The following PLA2G6 variants were observed in gnomAD, a reference collection of about 807,000 sequenced individuals.
The protein encoded by PLA2G6 is phospholipase A2 group VI.
Under a neutral mutation model 83.8 loss-of-function variants are expected in PLA2G6, and 62 were observed. The observed-to-expected ratio is 0.74, with a 90% CI of 0.60 to 0.91. PLA2G6 has a LOEUF of 0.91. Among genes scored for constraint, PLA2G6 ranks in the 40% least tolerant of loss-of-function variants. The pLI is 0.00. For missense variants in PLA2G6, 944 were observed against 1,102.0 expected (o/e 0.86, Z 2.03); for synonymous variants, 417 against 449.8 (o/e 0.93, Z 0.92).
intron 1 of PLA2G6, among the ~76,000 whole-genome samples, chr22:38,180,123 C>T (rs2090787592): frequency 6.7e-6 from 1 of 149,516 alleles, no homozygotes; most frequent in Non-Finnish European, 1.5e-5. Context: ...AGCACACACA[C>T]CCAATAGATG....
chr22:38,157,473 C>T (rs1305006123), intron 2 of PLA2G6, among the ~76,000 whole-genome samples: 1 of 152,104 alleles, frequency 6.6e-6, no homozygotes, highest in African/African-American at 2.4e-5. Flanking sequence ...GAAAAGTCTC[C>T]CAGCAAAGAA....
intron 10 of PLA2G6, chr22:38,125,835 C>T (rs936616286): frequency 4.9e-6 from 2 of 404,292 alleles, no homozygotes; most frequent in Admixed American, 2.8e-5. Context: ...GGTACCTTGC[C>T]GTGCCAGCTG....
chr22:38,133,062 C>A, intron 6 of PLA2G6, 49 bp from the exon 7 acceptor site: 1 of 1,512,550 alleles, frequency 6.6e-7, no homozygotes, highest in Non-Finnish European at 8.9e-7. Flanking sequence ...GGGGAGCTGC[C>A]GCACCCCGGG....
intron 9 of PLA2G6, chr22:38,126,930 G>A (rs934921759): frequency 5.5e-6 from 5 of 903,354 alleles, no homozygotes; most frequent in East Asian, 7.2e-5. Flanking sequence ...GACGTTCCTC[G>A]GGGTTTAAGT....
chr22:38,139,082 T>G (rs1275528764), intron 5 of PLA2G6: 1 of 152,218 alleles, frequency 6.6e-6, no homozygotes, highest in Non-Finnish European at 1.5e-5. Flanking sequence ...AACATGAGCC[T>G]GTACCTGCCT....
At chr22:38,167,227 C>CAAAA (rs132983) in intron 2 of PLA2G6, among the ~76,000 whole-genome samples, 55 of 107,586 alleles carry the variant, frequency 5.1e-4, no homozygotes, top group South Asian at 2.0e-3. Flanking sequence ...GACTCTGTCT[C>CAAAA]AAAAAAAAAA....
chr22:38,160,011 C>CA (rs2089947633), intron 2 of PLA2G6, among the ~76,000 whole-genome samples: 1 of 152,008 alleles, frequency 6.6e-6, no homozygotes, highest in African/African-American at 2.4e-5. Context: ...GCACATGTAC[C>CA]AAAAAACTCC....
In PLA2G6 at chr22:38,120,891, A is replaced by C; in HGVS notation, c.1610T>G (p.Met537Arg). The change falls in exon 12 of 17, where the codon ATG becomes AGG. Residue 537 changes from methionine to arginine, a missense_variant. Coordinates refer to ENST00000332509, the MANE Select transcript of PLA2G6 (RefSeq NM_003560.4). ...AILHSKSMAYMRGMYFRMKDE... is the reference protein window; with the variant it reads ...AILHSKSMAYRRGMYFRMKDE... The stretch of plus-strand genomic sequence containing the variant: ...CTTCATGCGAAAGTACATGCCGCGC[A>C]TGTAGGCCATGGACTTACCTAGGAA... The C allele has an allele frequency of 6.2e-7, 1 of 1,613,682 alleles. No individual in the cohort carries two copies. Among genetic ancestry groups the C allele is most frequent in the Non-Finnish European group, 8.5e-7 (1 of 1,180,024 alleles).
intron 15 of PLA2G6, among the ~76,000 whole-genome samples, chr22:38,113,007 A>G (rs1451291424): frequency 6.6e-6 from 1 of 152,068 alleles, no homozygotes; most frequent in African/African-American, 2.4e-5. Flanking sequence ...CTTGGGCTTA[A>G]GCAATCCTCC....
At chr22:38,163,187 A>T (rs1421359653) in intron 2 of PLA2G6, among the ~76,000 whole-genome samples, 1 of 152,212 alleles carries the variant, frequency 6.6e-6, no homozygotes, top group Non-Finnish European at 1.5e-5. Context: ...AGCCCAGCAC[A>T]GGCCCTTCCT....
intron 1 of PLA2G6, among the ~76,000 whole-genome samples, chr22:38,181,190 T>A (rs2090832686): frequency 6.6e-6 from 1 of 151,742 alleles, no homozygotes; most frequent in African/African-American, 2.4e-5. Context: ...GGTGGGAGAC[T>A]CTGGGGTGGC....
intron 1 of PLA2G6, among the ~76,000 whole-genome samples, chr22:38,177,042 C>CAA (rs11471646): frequency 0.44 from 57,087 of 128,778 alleles, 12,308 homozygotes; most frequent in South Asian, 0.56. Flanking sequence ...GAGACTGTCT[C>CAA]AAAAAAAAAA....
At position 38,142,941 on chromosome 22, in the gene PLA2G6, A is replaced by G. The variant is rs1037586034; in HGVS notation, c.609+164T>C. 9.3e-6 allele frequency: 7 copies of G among 752,954 alleles called. No homozygotes were observed. The African/African-American group carries it at 1.0e-4, about 11-fold the overall frequency. 46.6% of individuals were successfully genotyped at this position (752,954 alleles called of 1,614,324 possible). A position where few individuals can be genotyped will look rare whatever the true frequency, so the allele number is the denominator to read the frequency against. On this transcript the variant is annotated intron_variant, in intron 4 of 16. Transcript: ENST00000332509. The stretch of plus-strand genomic sequence containing the variant: ...GCTCCTGGAAAAGGGCTGGGAGGGA[A>G]GAGCCAGGGAGGGGTCTGCACCCTC...
At chr22:38,134,899 G>T (rs1042059242) in intron 6 of PLA2G6, 89 bp downstream of exon 6, 11 of 863,900 alleles carry the variant, frequency 1.3e-5, no homozygotes, top group Non-Finnish European at 2.1e-5. Flanking sequence ...CTAGCCTCAG[G>T]GTCCTCTCGG....
At chr22:38,139,319 GA>G (rs1409052809) in intron 5 of PLA2G6, 1 of 152,166 alleles carries the variant, frequency 6.6e-6, no homozygotes, top group Non-Finnish European at 1.5e-5. Flanking sequence ...AGGGGAGCTG[GA>G]AAGAGGAGAC....
intron 14 of PLA2G6, 186 bp from the exon 15 acceptor site, chr22:38,113,840 C>T (rs1408914306): frequency 2.9e-6 from 2 of 694,888 alleles, no homozygotes; most frequent in African/African-American, 1.7e-5. Context: ...CCCAGAACGG[C>T]TGGTGCGGGC....
At chr22:38,116,393 G>C (rs1330267364) in intron 12 of PLA2G6, 182 bp from the exon 13 acceptor site, 1 of 766,898 alleles carries the variant, frequency 1.3e-6, no homozygotes, top group Non-Finnish European at 2.3e-6. Flanking sequence ...TGCTGGAGGA[G>C]TGTCAGATTG....
chr22:38,132,802 C>G lies in PLA2G6; in HGVS notation c.1077+29G>C. The G allele has an allele frequency of 6.5e-7, 1 of 1,531,824 alleles. No individual in the cohort carries two copies. Among genetic ancestry groups the G allele is most frequent in the Non-Finnish European group, 8.8e-7 (1 of 1,140,562 alleles). The allele number at this position is 1,531,824 out of a possible 1,614,324, so 94.9% of individuals were successfully genotyped here. On this transcript the variant is annotated intron_variant, in intron 7 of 16. Transcript: ENST00000332509. The surrounding 1 kb of genome is among the most constrained non-coding windows in gnomAD (Gnocchi z 5.0). ...CTCCTGCATTCCCACCGGGGCCCCACAGGGCAGGACACGCGGTCCTGGGCT... is the reference window on the plus strand; with the variant it reads ...CTCCTGCATTCCCACCGGGGCCCCAGAGGGCAGGACACGCGGTCCTGGGCT...
intron 1 of PLA2G6, among the ~76,000 whole-genome samples, chr22:38,170,096 G>A (rs1481271306): frequency 6.6e-6 from 1 of 151,798 alleles, no homozygotes; most frequent in Non-Finnish European, 1.5e-5. Context: ...TGCCCGGGAA[G>A]CTGAGGCAGG....
Sources: allele counts gnomAD v4.1 joint callset (sites outside exome capture counted in the v4.1 genomes callset), GRCh38; gene constraint gnomAD v4.1.1; non-coding constraint Gnocchi (gnomAD v3.1); transcripts MANE v1.5; gene names NCBI Gene and HGNC (gene_info 2026-07-23, HGNC 2026-07-21).